Variants in BCL2 observed in about 807,000 individuals in gnomAD.
BCL2 encodes BCL2 apoptosis regulator, also known as apoptosis regulator Bcl-2.
A neutral mutation model predicts 14.2 loss-of-function variants in BCL2; 1 was observed. That is an observed-to-expected ratio of 0.07 (90% CI 0.02 to 0.33). The LOEUF is 0.33. BCL2 is among the 10% of genes least tolerant of loss of function. The pLI is 0.99. For synonymous variants in BCL2, 151 were observed against 137.2 expected, an observed-to-expected ratio of 1.10 and a Z score of -0.70; for missense variants, 247 against 305.9, an observed-to-expected ratio of 0.81 and a Z score of 1.44.
chr18:63,155,052 A>G (rs1914739263), intron 2 of BCL2, among the ~76,000 whole-genome samples: 1 of 152,220 alleles, frequency 6.6e-6, no homozygotes, highest in Admixed American at 6.5e-5. Context: ...ACCTTACCCA[A>G]GATATCTAAC....
chr18:63,124,412 G>C lies in BCL2; in HGVS notation c.*4213C>G. 2 of 231,122 alleles carry C rather than the reference G, an allele frequency of 8.7e-6. No homozygotes were observed. The highest frequency in any genetic ancestry group is 1.7e-5 in the Non-Finnish European group (2 of 116,688). The allele number at this position is 231,122 out of a possible 1,614,324, so 14.3% of individuals were successfully genotyped here. A position where few individuals can be genotyped will look rare whatever the true frequency, so the allele number is the denominator to read the frequency against. Reference sequence around the variant, plus strand: ...ACGGAGCTGCACTTTGAGCCATGCTGATGTCTCTGGAATCTAAAGGTCGTA... The same window carrying C: ...ACGGAGCTGCACTTTGAGCCATGCTCATGTCTCTGGAATCTAAAGGTCGTA... On this transcript the variant is annotated 3_prime_UTR_variant, in exon 3 of 3. Coordinates refer to ENST00000333681, the MANE Select transcript of BCL2 (RefSeq NM_000633.3).
intron 2 of BCL2, among the ~76,000 whole-genome samples, chr18:63,192,302 G>A (rs1313487563): frequency 6.6e-6 from 1 of 152,152 alleles, no homozygotes; most frequent in African/African-American, 2.4e-5. Context: ...TCCCAAGGAG[G>A]GAGCAACCTG....
At chr18:63,262,744 G>A (rs1022116167) in intron 2 of BCL2, among the ~76,000 whole-genome samples, 2 of 152,198 alleles carry the variant, frequency 1.3e-5, no homozygotes, top group African/African-American at 4.8e-5. Flanking sequence ...CAGGCTAGGG[G>A]TCAGTGGTGT....
intron 2 of BCL2, among the ~76,000 whole-genome samples, chr18:63,156,216 A>ATGCC (rs1282542627): frequency 1.3e-5 from 2 of 152,208 alleles, no homozygotes; most frequent in Admixed American, 1.3e-4. Context: ...AGGGAGTGGC[A>ATGCC]GCCCATTGTC....
At chr18:63,170,405 C>T (rs1267365249) in intron 2 of BCL2, among the ~76,000 whole-genome samples, 1 of 152,112 alleles carries the variant, frequency 6.6e-6, no homozygotes, top group African/African-American at 2.4e-5. Flanking sequence ...GTTAGCAACT[C>T]GTAATATGGA....
chr18:63,229,097 G>T lies in BCL2; in HGVS notation c.585+88985C>A, dbSNP rs564548705. Among the ~76,000 whole-genome samples, 25 of 152,276 alleles carry T rather than the reference G, an allele frequency of 1.6e-4. 1 individual carries two copies. The South Asian group carries it at 3.5e-3, about 21-fold the overall frequency. On this transcript the variant is annotated intron_variant, in intron 2 of 2. Transcript: ENST00000333681. ...AGAATCCTTTTGTATGCCTCATGAC[G>T]CAGTGTCAAATATTTACAGCAAAAA...
intron 2 of BCL2, among the ~76,000 whole-genome samples, chr18:63,293,876 T>A (rs1429239896): frequency 6.6e-6 from 1 of 152,150 alleles, no homozygotes; most frequent in South Asian, 2.1e-4. Flanking sequence ...CTTTTATAGG[T>A]ACCTCTCATG....
chr18:63,255,229 T>G (rs1024989325), intron 2 of BCL2, among the ~76,000 whole-genome samples: 1 of 152,198 alleles, frequency 6.6e-6, no homozygotes, highest in Non-Finnish European at 1.5e-5. Context: ...AATTCATAAC[T>G]TTTCTGTGGT....
chr18:63,213,753 T>C (rs748008820), intron 2 of BCL2, among the ~76,000 whole-genome samples: 5 of 152,124 alleles, frequency 3.3e-5, no homozygotes, highest in Admixed American at 1.3e-4. Flanking sequence ...CTGTGGACCA[T>C]TATCATATAG....
At chr18:63,261,092 G>A (rs1430008601) in intron 2 of BCL2, among the ~76,000 whole-genome samples, 1 of 152,128 alleles carries the variant, frequency 6.6e-6, no homozygotes, top group Non-Finnish European at 1.5e-5. Context: ...GCCTCAGAGA[G>A]GGTATTTTTT....
rs142884717 is a variant in BCL2 at position 63,298,690 on chromosome 18, C to G, written c.585+19392G>C. ...TACCTATCTCTTTCTAGGACTATTC[C>G]CCAGAGAAATTCCATTTTCATTACA... On this transcript the variant is annotated intron_variant, in intron 2 of 2. Coordinates refer to ENST00000333681, the MANE Select transcript of BCL2 (RefSeq NM_000633.3). Among the ~76,000 whole-genome samples, 391 of 152,248 alleles carry G rather than the reference C, an allele frequency of 2.6e-3. 1 individual carries two copies. Among genetic ancestry groups the G allele is most frequent in the Non-Finnish European group, 4.2e-3 (287 of 68,000 alleles).
chr18:63,146,354 C>A (rs1434869030), intron 2 of BCL2, among the ~76,000 whole-genome samples: 1 of 152,216 alleles, frequency 6.6e-6, no homozygotes, highest in African/African-American at 2.4e-5. Context: ...GGACGCTGGT[C>A]GTGGACACTG....
rs540262644 is a variant in BCL2 at position 63,314,099 on chromosome 18, T to C, written c.585+3983A>G. On this transcript the variant is annotated intron_variant, in intron 2 of 2. Coordinates refer to ENST00000333681, the MANE Select transcript of BCL2 (RefSeq NM_000633.3). ...ACATGACTGAAAACTCTATGAGAAA[T>C]AGTGTGTTTTTCTCTACTACATAAA... 3.9e-5 allele frequency: 6 copies of C among 152,256 alleles called. No individual in the cohort carries two copies. The East Asian group carries it at 1.2e-3, about 29-fold the overall frequency. The allele number at this position is 152,256 out of a possible 1,614,324, so 9.4% of individuals were successfully genotyped here.
intron 2 of BCL2, among the ~76,000 whole-genome samples, chr18:63,285,287 C>A (rs1042520932): frequency 2.6e-5 from 4 of 152,218 alleles, no homozygotes; most frequent in African/African-American, 9.7e-5. Context: ...TGCTGAAGAC[C>A]ATTGCCCTGG....
intron 2 of BCL2, chr18:63,317,819 T>A (rs1346833184): frequency 1.5e-6 from 2 of 1,362,490 alleles, no homozygotes; most frequent in African/African-American, 1.5e-5. Flanking sequence ...TACCACCACA[T>A]CCTACTGGAT....
rs113944045 is a variant in BCL2 at position 63,309,858 on chromosome 18, G to A, written c.585+8224C>T. Among the ~76,000 whole-genome samples the A allele has an allele frequency of 1.4e-3, 218 of 152,078 alleles. 3 individuals are homozygous for A. The highest frequency in any genetic ancestry group is 4.9e-3 in the African/African-American group (202 of 41,468). On this transcript the variant is annotated intron_variant, in intron 2 of 2. Transcript: ENST00000333681. Reference sequence around the variant, plus strand: ...CCTATATACTTTATTTTATTTATTTGTTTGTTTATTTATTTATTTTTTGAG... The same window carrying A: ...CCTATATACTTTATTTTATTTATTTATTTGTTTATTTATTTATTTTTTGAG...
At chr18:63,252,566 C>T (rs1212412799) in intron 2 of BCL2, among the ~76,000 whole-genome samples, 1 of 152,128 alleles carries the variant, frequency 6.6e-6, no homozygotes, top group Non-Finnish European at 1.5e-5. Context: ...GAATGAGTCT[C>T]ACAAGATGTG....
intron 2 of BCL2, among the ~76,000 whole-genome samples, chr18:63,272,844 C>T (rs756809441): frequency 6.6e-6 from 1 of 152,168 alleles, no homozygotes; most frequent in Non-Finnish European, 1.5e-5. Context: ...TCTGAGACAG[C>T]AGACTCCTCT....
chr18:63,254,567 T>A (rs1251271753), intron 2 of BCL2, among the ~76,000 whole-genome samples: 2 of 150,740 alleles, frequency 1.3e-5, no homozygotes, highest in South Asian at 2.1e-4. Context: ...AAAAAAAAAA[T>A]GGAATTCCTT....
Sources: gnomAD v4.1 joint callset for allele counts (sites outside exome capture counted in the v4.1 genomes callset) on GRCh38, gnomAD v4.1.1 for gene constraint, MANE v1.5 for transcripts, NCBI Gene and HGNC (gene_info 2026-07-23, HGNC 2026-07-21) for gene names.